Variants in MEOX2 observed in about 807,000 individuals in gnomAD.
MEOX2 encodes the protein homeobox protein MOX-2.
In MEOX2, 11 loss-of-function variants were observed where a neutral mutation model predicts 27.0. The ratio of observed to expected loss-of-function variants is 0.41; its 90% CI spans 0.26 to 0.68. MEOX2 has a LOEUF of 0.68. Ranked by LOEUF, MEOX2 falls within the 30% of genes least tolerant of loss-of-function variation. MEOX2 has a pLI of 0.33. For missense variants in MEOX2, 436 were observed against 385.4 expected (o/e 1.13, Z -1.10); for synonymous variants, 189 against 155.4 (o/e 1.22, Z -1.61).
intron 1 of MEOX2, among the ~76,000 whole-genome samples, chr7:15,677,183 G>A (rs972706952): frequency 5.3e-5 from 8 of 152,108 alleles, no homozygotes; most frequent in Admixed American, 3.3e-4. Flanking sequence ...AATGCAAACA[G>A]GTAGCATAAA....
intron 2 of MEOX2, among the ~76,000 whole-genome samples, chr7:15,621,275 C>T (rs3823870): frequency 0.41 from 62,173 of 152,070 alleles, 15,530 homozygotes; most frequent in Non-Finnish European, 0.56. Context: ...GTTCAACAAA[C>T]AACATTATAT....
chr7:15,672,491 G>T (rs894309298), intron 1 of MEOX2, among the ~76,000 whole-genome samples: 4 of 152,184 alleles, frequency 2.6e-5, no homozygotes, highest in African/African-American at 9.6e-5. Flanking sequence ...AGATTGTTTT[G>T]CTGGTTTATG....
intron 1 of MEOX2, among the ~76,000 whole-genome samples, chr7:15,666,907 A>T (rs1448042430): frequency 3.3e-5 from 5 of 150,188 alleles, no homozygotes; most frequent in African/African-American, 1.2e-4. Flanking sequence ...AAATATCCTT[A>T]TTACTTGACA....
At chr7:15,685,838 C>T (rs1782370639) in intron 1 of MEOX2, 48 bp downstream of exon 1, 1 of 1,540,190 alleles carries the variant, frequency 6.5e-7, no homozygotes, top group African/African-American at 1.4e-5. Context: ...CTCTCCGCCC[C>T]TTTTCCAGCC....
intron 1 of MEOX2, among the ~76,000 whole-genome samples, chr7:15,678,198 C>T (rs1016779021): frequency 2.6e-5 from 4 of 152,132 alleles, no homozygotes; most frequent in African/African-American, 9.7e-5. Context: ...GAAATTCCCA[C>T]GTAAGCATAG....
rs765404239 is a variant in MEOX2, at chr7:15,685,915, C to A, written c.488G>T (p.Ser163Ile). The A allele has an allele frequency of 6.2e-7, 1 of 1,608,316 alleles. No individual in the cohort carries two copies. The highest frequency in any genetic ancestry group is 1.3e-5 in the African/African-American group (1 of 74,896). ...ALSPAEAEKR[S>I]GGKRKSDSSD... Reference sequence around the variant, plus strand: ...GCTGTCGCTTTTCCTCTTGCCGCCGCTTCGCTTCTCCGCCTCCGCAGGTGA... The same window carrying A: ...GCTGTCGCTTTTCCTCTTGCCGCCGATTCGCTTCTCCGCCTCCGCAGGTGA... Residue 163 changes from serine to isoleucine, a missense_variant, in exon 1 of 3, where the codon AGC (serine) becomes ATC (isoleucine). By Grantham distance (142) the Ser-to-Ile change is moderately radical. Coordinates refer to ENST00000262041, the MANE Select transcript of MEOX2 (RefSeq NM_005924.5).
At chr7:15,623,176 C>T (rs1209112859) in intron 2 of MEOX2, among the ~76,000 whole-genome samples, 1 of 152,058 alleles carries the variant, frequency 6.6e-6, no homozygotes, top group East Asian at 1.9e-4. Flanking sequence ...ACTTTAAAAC[C>T]CCAACCTCCA....
chr7:15,686,389 A>G lies in MEOX2; in HGVS notation c.14T>C (p.Leu5Pro). The part of the protein sequence containing the change: MEHP[L>P]FGCLRSPHAT... ...GTGAGGGCTGCGCAGGCAGCCAAAG[A>G]GCGGGTGTTCCATAGCATGCAAGTT... The change falls in exon 1 of 3, where the codon CTC becomes CCC. Residue 5 changes from leucine to proline, a missense_variant. Physicochemically the swap from Leu to Pro is moderately conservative, Grantham distance 98. Coordinates refer to ENST00000262041, the MANE Select transcript of MEOX2 (RefSeq NM_005924.5). 1 of 1,574,118 alleles carries G rather than the reference A, an allele frequency of 6.4e-7. No individual in the cohort carries two copies. The highest frequency in any genetic ancestry group is 8.6e-7 in the Non-Finnish European group (1 of 1,159,166).
At chr7:15,679,883 TG>T (rs1782264785) in intron 1 of MEOX2, 1 of 151,884 alleles carries the variant, frequency 6.6e-6, no homozygotes, top group Non-Finnish European at 1.5e-5. Flanking sequence ...GTGCATATGG[TG>T]ATGTAAGAAA....
chr7:15,656,990 T>G (rs1352003196), intron 1 of MEOX2, among the ~76,000 whole-genome samples: 1 of 152,144 alleles, frequency 6.6e-6, no homozygotes, highest in Non-Finnish European at 1.5e-5. Context: ...GTTCTTTTCT[T>G]TCTGCACTTG....
At chr7:15,654,950 A>G (rs910224494) in intron 1 of MEOX2, among the ~76,000 whole-genome samples, 1 of 151,792 alleles carries the variant, frequency 6.6e-6, no homozygotes, top group Non-Finnish European at 1.5e-5. Flanking sequence ...AAGAGATTGT[A>G]TAGAATTATG....
chr7:15,651,472 C>T (rs1781731756), intron 1 of MEOX2, among the ~76,000 whole-genome samples: 1 of 151,932 alleles, frequency 6.6e-6, no homozygotes, highest in South Asian at 2.1e-4. Context: ...AATGTAATTT[C>T]TACAGGGTTC....
At chr7:15,683,748 T>A (rs1782330042) in intron 1 of MEOX2, among the ~76,000 whole-genome samples, 1 of 152,166 alleles carries the variant, frequency 6.6e-6, no homozygotes, top group Non-Finnish European at 1.5e-5. Flanking sequence ...TTCCTTTTAG[T>A]CAATATTTCT....
At position 15,637,520 on chromosome 7, in the gene MEOX2, A is replaced by G. The variant is rs1002625882; in HGVS notation, c.518-10602T>C. Among the ~76,000 whole-genome samples, 4 of 151,786 alleles carry G rather than the reference A, an allele frequency of 2.6e-5. No homozygotes were observed. In the East Asian group the frequency reaches 5.8e-4, roughly 22 times the overall value. On this transcript the variant is annotated intron_variant, in intron 1 of 2. Coordinates refer to ENST00000262041, the MANE Select transcript of MEOX2 (RefSeq NM_005924.5). ...CCTAAAATGTAATTTTCCAATACAC[A>G]CACACACACACGCACACACACACGC...
chr7:15,662,612 T>C (rs1413450168), intron 1 of MEOX2, among the ~76,000 whole-genome samples: 1 of 152,130 alleles, frequency 6.6e-6, no homozygotes, highest in Admixed American at 6.5e-5. Context: ...TCATCCCCTA[T>C]AGGAATAAGC....
intron 1 of MEOX2, among the ~76,000 whole-genome samples, chr7:15,656,384 T>C (rs1179008019): frequency 6.6e-6 from 1 of 151,786 alleles, no homozygotes; most frequent in East Asian, 1.9e-4. Flanking sequence ...AGAGCTTACA[T>C]CTGCCCTTTT....
Position 15,626,938 on chromosome 7 carries a change from G to A in MEOX2, c.518-20C>T. On this transcript the variant is annotated intron_variant, in intron 1 of 2. Transcript: ENST00000262041. Reference sequence around the variant, plus strand: ...GGGAGTCTGAAAAAAAAGGGAGACAGAATTGGTAATAACTCATTTATTCAA... The same window carrying A: ...GGGAGTCTGAAAAAAAAGGGAGACAAAATTGGTAATAACTCATTTATTCAA... 1 of 1,607,722 alleles carries A rather than the reference G, an allele frequency of 6.2e-7. No homozygotes were observed. The highest frequency in any genetic ancestry group is 8.5e-7 in the Non-Finnish European group (1 of 1,175,372).
At chr7:15,654,856 TACTG>T (rs1325863394) in intron 1 of MEOX2, among the ~76,000 whole-genome samples, 1 of 151,736 alleles carries the variant, frequency 6.6e-6, no homozygotes, top group Non-Finnish European at 1.5e-5. Flanking sequence ...TCTTCTGTTA[TACTG>T]ACTGTCTGCT....
intron 2 of MEOX2, among the ~76,000 whole-genome samples, chr7:15,615,617 C>G (rs1005276802): frequency 6.6e-6 from 1 of 151,948 alleles, no homozygotes; most frequent in Non-Finnish European, 1.5e-5. Flanking sequence ...AGATCTATTC[C>G]ACATGAGTTG....
Sources: gnomAD v4.1 joint callset for allele counts (sites outside exome capture counted in the v4.1 genomes callset) on GRCh38, gnomAD v4.1.1 for gene constraint, MANE v1.5 for transcripts, NCBI Gene and HGNC (gene_info 2026-07-23, HGNC 2026-07-21) for gene names.